SGCD: variants seen among roughly 807,000 people sequenced by gnomAD.
The protein encoded by SGCD is sarcoglycan delta, also known as delta-sarcoglycan.
SGCD carries 18 observed loss-of-function variants against 36.6 expected under a neutral mutation model. The ratio of observed to expected loss-of-function variants is 0.49; its 90% CI spans 0.34 to 0.73. The LOEUF (loss-of-function observed/expected upper bound fraction) is 0.73, where lower values mean the gene tolerates loss of function less well. SGCD is among the 30% of genes least tolerant of loss of function. SGCD has a pLI of 0.01. For missense variants in SGCD, 387 were observed against 346.7 expected, an observed-to-expected ratio of 1.12 and a Z score of -0.92; for synonymous variants, 133 against 130.6, an observed-to-expected ratio of 1.02 and a Z score of -0.12.
intron 1 of SGCD, among the ~76,000 whole-genome samples, chr5:155,996,622 A>G (rs566947600): frequency 2.6e-5 from 4 of 151,998 alleles, no homozygotes; most frequent in African/African-American, 9.7e-5. Flanking sequence ...TACTAAAAAT[A>G]CAAAAATTAG....
At position 155,935,000 on chromosome 5, in the gene SGCD, T is replaced by C. The variant is rs147596513; in HGVS notation, c.-282+64576T>C. On this transcript the variant is annotated intron_variant, in intron 1 of 9. Coordinates refer to the SGCD transcript ENST00000517913. ...AGACAACTGTTGATGCAAGCTGTTG[T>C]GTCCAATGCTTGGGGATGGTGGCAG... Among the ~76,000 whole-genome samples, 1,205 of 152,286 alleles carry C rather than the reference T, an allele frequency of 7.9e-3. 22 individuals are homozygous for C. The highest frequency in any genetic ancestry group is 0.027 in the African/African-American group (1,136 of 41,566).
At chr5:156,005,205 G>C (rs1247101642) in intron 1 of SGCD, among the ~76,000 whole-genome samples, 1 of 152,158 alleles carries the variant, frequency 6.6e-6, no homozygotes, top group Admixed American at 6.5e-5. Flanking sequence ...AAACAGTTGA[G>C]AAGGATCCCG....
chr5:156,369,785 C>T (rs558075345), intron 3 of SGCD, among the ~76,000 whole-genome samples: 5 of 151,996 alleles, frequency 3.3e-5, no homozygotes, highest in Non-Finnish European at 7.4e-5. Context: ...GGGTTTAAAA[C>T]CATTTGACTA....
At chr5:156,411,982 T>G (rs1195610669) in intron 3 of SGCD, among the ~76,000 whole-genome samples, 6 of 152,254 alleles carry the variant, frequency 3.9e-5, no homozygotes, top group Non-Finnish European at 7.3e-5. Context: ...CTTTGAATTT[T>G]CAAGAGCTGA....
intron 1 of SGCD, among the ~76,000 whole-genome samples, chr5:156,027,298 G>A (rs908363641): frequency 2.0e-5 from 3 of 152,090 alleles, no homozygotes; most frequent in Non-Finnish European, 4.4e-5. Flanking sequence ...TTCTAGAAAG[G>A]GAGATACGTT....
Position 156,036,483 on chromosome 5 carries a change from G to A in SGCD, c.-281-81395G>A, listed in dbSNP as rs191107781. Among the ~76,000 whole-genome samples, 55 of 152,224 alleles carry A rather than the reference G, an allele frequency of 3.6e-4. 1 individual carries two copies. The highest frequency in any genetic ancestry group is 1.3e-3 in the African/African-American group (52 of 41,536). On this transcript the variant is annotated intron_variant, in intron 1 of 9. Transcript: ENST00000517913. Reference sequence around the variant, plus strand: ...CAGTCCTCATTTTCCCCTTATCTAAGGTCTATGGGAAAGCACTAGGCATTT... The same window carrying A: ...CAGTCCTCATTTTCCCCTTATCTAAAGTCTATGGGAAAGCACTAGGCATTT...
At chr5:156,563,516 T>A (rs1454128431) in intron 4 of SGCD, among the ~76,000 whole-genome samples, 1 of 152,222 alleles carries the variant, frequency 6.6e-6, no homozygotes, top group Non-Finnish European at 1.5e-5. Flanking sequence ...TGAATAGCCA[T>A]GTAAGGCCAC....
intron 1 of SGCD, among the ~76,000 whole-genome samples, chr5:155,896,467 C>A (rs1205584393): frequency 2.6e-5 from 1 of 38,476 alleles, no homozygotes; most frequent in Non-Finnish European, 5.0e-5. Flanking sequence ...GAAACCCTGT[C>A]TCTACAAAAA....
intron 4 of SGCD, among the ~76,000 whole-genome samples, chr5:156,517,695 C>A (rs936369898): frequency 6.6e-6 from 1 of 152,076 alleles, no homozygotes; most frequent in Non-Finnish European, 1.5e-5. Flanking sequence ...CAATTTTCAA[C>A]AACTTAAAAA....
At chr5:155,998,524 G>T (rs1187230978) in intron 1 of SGCD, among the ~76,000 whole-genome samples, 1 of 151,956 alleles carries the variant, frequency 6.6e-6, no homozygotes, top group Non-Finnish European at 1.5e-5. Flanking sequence ...AAAATGTGAA[G>T]AATTTTCATT....
chr5:156,025,353 G>T lies in SGCD; in HGVS notation c.-281-92525G>T, dbSNP rs556542185. 2.9e-4 allele frequency among the ~76,000 whole-genome samples: 44 copies of T among 152,230 alleles called. No homozygotes were observed. The East Asian group carries it at 8.5e-3, about 29-fold the overall frequency. ...TCATAAGGTCCTGACTAATGACAAG[G>T]GCTGAGAATCTTCTATTTGCCCAGG... On this transcript the variant is annotated intron_variant, in intron 1 of 9. Coordinates refer to the SGCD transcript ENST00000517913.
At position 156,611,747 on chromosome 5, in the gene SGCD, A is replaced by C. The variant is rs549812560; in HGVS notation, c.502+16696A>C. ...TTCGTTAACTTAATAGTGTCTCATA[A>C]ATCTTGTTGGCTATCTTTATTCATG... On this transcript the variant is annotated intron_variant, in intron 6 of 8. Transcript: ENST00000337851. 2.0e-5 allele frequency among the ~76,000 whole-genome samples: 3 copies of C among 152,296 alleles called. No individual in the cohort carries two copies. The East Asian group carries it at 5.8e-4, about 29-fold the overall frequency.
intron 3 of SGCD, among the ~76,000 whole-genome samples, chr5:156,436,322 C>G (rs184264906): frequency 6.6e-6 from 1 of 152,160 alleles, no homozygotes; most frequent in African/African-American, 2.4e-5. Context: ...TGGATAGGCC[C>G]ACAGAAAGTG....
chr5:155,970,797 A>G (rs1027940826), intron 1 of SGCD, among the ~76,000 whole-genome samples: 1 of 152,174 alleles, frequency 6.6e-6, no homozygotes. Context: ...TAGTAAATTG[A>G]TGCTTAAGGC....
intron 3 of SGCD, among the ~76,000 whole-genome samples, chr5:156,380,759 C>G (rs925137841): frequency 2.0e-5 from 3 of 152,062 alleles, no homozygotes; most frequent in African/African-American, 7.2e-5. Flanking sequence ...TTGTGTGAAG[C>G]AAGAGAATTG....
chr5:156,709,067 T>G (rs1174492644), intron 7 of SGCD, among the ~76,000 whole-genome samples: 4 of 152,100 alleles, frequency 2.6e-5, no homozygotes, highest in South Asian at 4.1e-4. Flanking sequence ...AAAGGGAAAT[T>G]TATACCCCTC....
chr5:156,045,584 A>T (rs960068346), intron 1 of SGCD, among the ~76,000 whole-genome samples: 1 of 152,068 alleles, frequency 6.6e-6, no homozygotes, highest in African/African-American at 2.4e-5. Context: ...AAACAACAAA[A>T]ATTTACTTCT....
At chr5:156,733,608 C>CTCCCACTAATATAGTA (rs1481558903) in intron 7 of SGCD, among the ~76,000 whole-genome samples, 1 of 152,084 alleles carries the variant, frequency 6.6e-6, no homozygotes, top group Non-Finnish European at 1.5e-5. Flanking sequence ...GTGTTAAAGT[C>CTCCCACTAATATAGTA]TCCCACTAAT....
the SGCD span, among the ~76,000 whole-genome samples, chr5:155,856,324 A>G: frequency 6.6e-6 from 1 of 152,222 alleles, no homozygotes; most frequent in Non-Finnish European, 1.5e-5. Context: ...AAAGAGAAAA[A>G]GAATAACAAA....
Sources: gnomAD v4.1 joint callset for allele counts (sites outside exome capture counted in the v4.1 genomes callset) on GRCh38, gnomAD v4.1.1 for gene constraint, MANE v1.5 for transcripts, NCBI Gene and HGNC (gene_info 2026-07-23, HGNC 2026-07-21) for gene names.